The following CDK18 variants were observed in gnomAD, a reference collection of about 807,000 sequenced individuals.
The protein encoded by CDK18 is cyclin-dependent kinase 18.
Under a neutral mutation model 62.0 loss-of-function variants are expected in CDK18, and 52 were observed. The ratio of observed to expected loss-of-function variants is 0.84; its 90% CI spans 0.67 to 1.06. CDK18 has a LOEUF of 1.06. Among genes scored for constraint, CDK18 ranks in the 50% least tolerant of loss-of-function variants. The pLI is 0.00. For missense variants in CDK18, 604 were observed against 619.9 expected (o/e 0.97, Z 0.27); for synonymous variants, 237 against 247.0 (o/e 0.96, Z 0.38).
At chr1:205,521,135 A>G (rs1305119424) in intron 1 of CDK18, among the ~76,000 whole-genome samples, 2 of 152,208 alleles carry the variant, frequency 1.3e-5, no homozygotes, top group Non-Finnish European at 2.9e-5. Flanking sequence ...GTTTCTTGAG[A>G]ATGGGGACCA....
chr1:205,530,053 G>A, intron 13 of CDK18: 1 of 1,423,400 alleles, frequency 7.0e-7, no homozygotes, highest in Non-Finnish European at 9.2e-7. Context: ...GGTTTTTCCT[G>A]GTGGCTGGAG....
At chr1:205,530,819 CTT>C (rs1668702408) in intron 15 of CDK18, 114 bp downstream of exon 15, 2 of 813,554 alleles carry the variant, frequency 2.5e-6, no homozygotes, top group South Asian at 3.0e-5. Context: ...CCTTTGGACT[CTT>C]TGGGGAGCAG....
rs371624257 is a variant in CDK18 at position 205,505,665 on chromosome 1, G to C, written c.-22+869G>C. On this transcript the variant is annotated intron_variant, in intron 1 of 15. Coordinates refer to ENST00000429964, the MANE Select transcript of CDK18 (RefSeq NM_212502.3). ...TGGAGGCCTCTGTTTTCGCCCTGTG[G>C]GGGGCGGGGATTCCCTGAAGGTGTC... is the stretch of plus-strand genomic sequence containing the variant. Among the ~76,000 whole-genome samples the C allele has an allele frequency of 2.7e-4, 41 of 152,268 alleles. No individual in the cohort carries two copies. In the East Asian group the frequency reaches 6.4e-3, roughly 24 times the overall value.
intron 4 of CDK18, 124 bp downstream of exon 4, chr1:205,524,481 C>T (rs1284743194): frequency 7.9e-6 from 9 of 1,136,256 alleles, no homozygotes; most frequent in Admixed American, 4.1e-5. Context: ...CTGGTGCCAC[C>T]TGCTGGCTTG....
chr1:205,530,377 C>CCACCCAGAACCAA (rs747947407), intron 14 of CDK18, 28 bp downstream of exon 14: 51 of 1,594,426 alleles, frequency 3.2e-5, no homozygotes, highest in Non-Finnish European at 4.2e-5. Context: ...GGGAGCAGGG[C>CCACCCAGAACCAA]CACCCAGAAC....
At chr1:205,507,004 G>A (rs1338931045) in intron 1 of CDK18, among the ~76,000 whole-genome samples, 1 of 152,204 alleles carries the variant, frequency 6.6e-6, no homozygotes, top group Non-Finnish European at 1.5e-5. Flanking sequence ...TCTGTCCTCT[G>A]CCTACTTGGG....
intron 1 of CDK18, among the ~76,000 whole-genome samples, chr1:205,514,142 C>T (rs994482697): frequency 2.6e-5 from 4 of 152,224 alleles, no homozygotes; most frequent in African/African-American, 7.2e-5. Flanking sequence ...AGTTACAGGA[C>T]AGGGAGCCAA....
chr1:205,529,904 G>T (rs1575080747), intron 13 of CDK18: 1 of 1,376,646 alleles, frequency 7.3e-7, no homozygotes, highest in African/African-American at 1.5e-5. Flanking sequence ...TTAGTGTGGT[G>T]CCTGTCTTGT....
In CDK18 at chr1:205,528,603, G is replaced by C; in HGVS notation, c.975-396G>C. On this transcript the variant is annotated intron_variant, in intron 10 of 15. Coordinates refer to ENST00000429964, the MANE Select transcript of CDK18 (RefSeq NM_212502.3). This position sits in a 1 kb window ranked among gnomAD's most constrained non-coding sequence, Gnocchi z 4.2. ...GCCAAGCCGCCGGTGGTTATGAATG[G>C]CTGCTGTGACTCCGCCCCAAGGTTC... is the stretch of plus-strand genomic sequence containing the variant. The C allele has an allele frequency of 3.8e-6, 1 of 264,110 alleles. No homozygotes were observed. The highest frequency in any genetic ancestry group is 1.3e-4 in the South Asian group (1 of 7,682). The allele number at this position is 264,110 out of a possible 1,614,324, so 16.4% of individuals were successfully genotyped here. A position where few individuals can be genotyped will look rare whatever the true frequency, so the allele number is the denominator to read the frequency against.
chr1:205,521,240 C>A (rs1668110791), intron 1 of CDK18, among the ~76,000 whole-genome samples: 1 of 152,212 alleles, frequency 6.6e-6, no homozygotes, highest in Non-Finnish European at 1.5e-5. Flanking sequence ...AAGACAGAGT[C>A]TTGCTCTGTC....
intron 1 of CDK18, among the ~76,000 whole-genome samples, chr1:205,507,024 A>G (rs539898755): frequency 6.6e-6 from 1 of 152,050 alleles, no homozygotes; most frequent in Non-Finnish European, 1.5e-5. Context: ...GCCGTCCCGC[A>G]CTCGGGAATG....
At chr1:205,530,837 G>A (rs143788936) in intron 15 of CDK18, 132 bp downstream of exon 15, 3 of 729,264 alleles carry the variant, frequency 4.1e-6, no homozygotes, top group Non-Finnish European at 7.2e-6. Context: ...AGCAGAGAAG[G>A]GGTTGGTTTC....
intron 4 of CDK18, 53 bp downstream of exon 4, chr1:205,524,410 G>GC: frequency 2.5e-6 from 4 of 1,606,340 alleles, no homozygotes; most frequent in Non-Finnish European, 3.4e-6. Flanking sequence ...GCCCTCCCCA[G>GC]CATGGGCATA....
At chr1:205,525,573 A>G (rs150145384) in intron 5 of CDK18, among the ~76,000 whole-genome samples, 10 of 152,260 alleles carry the variant, frequency 6.6e-5, no homozygotes, top group African/African-American at 2.2e-4. Context: ...TGAGACAGTA[A>G]TTGTCCTATC....
intron 1 of CDK18, among the ~76,000 whole-genome samples, chr1:205,510,079 C>CAA (rs200884428): frequency 2.3e-5 from 3 of 131,888 alleles, no homozygotes; most frequent in African/African-American, 2.8e-5. Context: ...GACTTTGTCT[C>CAA]AAAAAAAAAA....
chr1:205,524,265 A>G lies in CDK18; in HGVS notation c.307A>G (p.Ile103Val). 1 of 1,614,168 alleles carries G rather than the reference A, an allele frequency of 6.2e-7. No individual in the cohort carries two copies. The highest frequency in any genetic ancestry group is 1.1e-5 in the South Asian group (1 of 91,082). The part of the protein sequence containing the change: ...VSKRLSLPMD[I>V]RLPQEFLQKL... ...CAAGAGGCTCTCTCTGCCCATGGAT[A>G]TCCGCCTGCCCCAGGAATTCCTACA... is the stretch of plus-strand genomic sequence containing the variant. The change falls in exon 4 of 16, where the codon ATC (isoleucine) becomes GTC (valine). Residue 103 changes from isoleucine to valine, a missense_variant. Ile to Val is a conservative substitution (Grantham distance 29). Transcript: ENST00000429964.
intron 1 of CDK18, among the ~76,000 whole-genome samples, chr1:205,507,995 G>A (rs545145813): frequency 2.4e-4 from 36 of 152,326 alleles, no homozygotes; most frequent in African/African-American, 7.9e-4. Flanking sequence ...GAGCTGGAGA[G>A]GCAGCAGTCT....
chr1:205,509,255 A>ATC (rs1667455626), intron 1 of CDK18, among the ~76,000 whole-genome samples: 1 of 152,190 alleles, frequency 6.6e-6, no homozygotes, highest in Admixed American at 6.5e-5. Flanking sequence ...AAGGACTATG[A>ATC]TGAGATCCTC....
chr1:205,518,230 T>C (rs559699627), intron 1 of CDK18, among the ~76,000 whole-genome samples: 25 of 152,292 alleles, frequency 1.6e-4, no homozygotes, highest in African/African-American at 5.3e-4. Flanking sequence ...TCACCATCCA[T>C]CATACTGTGT....
Sources: gnomAD v4.1 joint callset for allele counts (sites outside exome capture counted in the v4.1 genomes callset) on GRCh38, gnomAD v4.1.1 for gene constraint, Gnocchi (gnomAD v3.1) non-coding constraint, MANE v1.5 for transcripts, NCBI Gene and HGNC (gene_info 2026-07-23, HGNC 2026-07-21) for gene names.